Variants in MMD2 observed in about 807,000 individuals in gnomAD.
The protein encoded by MMD2 is monocyte to macrophage differentiation factor 2.
Under a neutral mutation model 33.5 loss-of-function variants are expected in MMD2, and 30 were observed. The ratio of observed to expected loss-of-function variants is 0.90; its 90% CI spans 0.67 to 1.22. MMD2 has a LOEUF of 1.22. MMD2 is among the 50% of genes most tolerant of loss of function. MMD2 has a pLI of 0.00. For missense variants in MMD2, 364 were observed against 325.4 expected, an observed-to-expected ratio of 1.12 and a Z score of -0.91; for synonymous variants, 129 against 123.0, an observed-to-expected ratio of 1.05 and a Z score of -0.32.
chr7:4,896,671 G>C, the MMD2 span, among the ~76,000 whole-genome samples: 1 of 152,064 alleles, frequency 6.6e-6, no homozygotes, highest in Non-Finnish European at 1.5e-5. Flanking sequence ...AGACATAGAT[G>C]ACTATTGTTC....
chr7:4,943,235 T>A (rs1246800783), intron 1 of MMD2, among the ~76,000 whole-genome samples: 1 of 151,170 alleles, frequency 6.6e-6, no homozygotes, highest in Non-Finnish European at 1.5e-5. Flanking sequence ...GGTCTCAAAC[T>A]CCTGACCTTG....
the MMD2 span, among the ~76,000 whole-genome samples, chr7:4,893,024 G>T: frequency 1.3e-5 from 2 of 152,048 alleles, no homozygotes; most frequent in African/African-American, 2.4e-5. Context: ...GACTAATTGC[G>T]GTTTCTAAGA....
intron 2 of MMD2, among the ~76,000 whole-genome samples, chr7:4,922,514 T>C (rs1392007267): frequency 6.6e-6 from 1 of 152,168 alleles, no homozygotes; most frequent in East Asian, 1.9e-4. Flanking sequence ...ACTTCATAAT[T>C]TGGGGACATG....
At chr7:4,953,901 C>T (rs1786318492) in intron 1 of MMD2, among the ~76,000 whole-genome samples, 1 of 152,172 alleles carries the variant, frequency 6.6e-6, no homozygotes, top group Non-Finnish European at 1.5e-5. Flanking sequence ...TTCTATCACC[C>T]AGGCTTGAGT....
chr7:4,951,700 G>C (rs1416294575), intron 1 of MMD2, among the ~76,000 whole-genome samples: 1 of 152,072 alleles, frequency 6.6e-6, no homozygotes, highest in Non-Finnish European at 1.5e-5. Flanking sequence ...CCTAGGCTCA[G>C]GTGATCCTCC....
chr7:4,934,760 T>C (rs1262980005), intron 1 of MMD2, among the ~76,000 whole-genome samples: 3 of 152,348 alleles, frequency 2.0e-5, no homozygotes, highest in Non-Finnish European at 2.9e-5. Flanking sequence ...AGCTTGGCAC[T>C]GTTGGGCAGA....
chr7:4,916,163 C>A, intron 3 of MMD2, 84 bp from the exon 4 acceptor site: 2 of 1,315,896 alleles, frequency 1.5e-6, no homozygotes, highest in East Asian at 2.4e-5. Flanking sequence ...CTGGACTGAT[C>A]GTGCCTGCCT....
chr7:4,892,644 A>G, the MMD2 span, among the ~76,000 whole-genome samples: 1 of 151,918 alleles, frequency 6.6e-6, no homozygotes, highest in African/African-American at 2.4e-5. Flanking sequence ...TAATTAAAAG[A>G]TGTGCAAGCA....
At position 4,906,280 on chromosome 7, in the gene MMD2, T is replaced by G. The variant is rs992801769; in HGVS notation, c.*1116A>C. The G allele has an allele frequency of 3.3e-5, 13 of 389,862 alleles. No homozygotes were observed. Among genetic ancestry groups the G allele is most frequent in the African/African-American group, 2.3e-4 (11 of 48,448 alleles). The allele number at this position is 389,862 out of a possible 1,614,324, so 24.2% of individuals were successfully genotyped here. ...AGGCTGGCCCCGCCCTGACGGGGGCTGAAGAACAGGCCCCCAGCAGCCTTG... is the reference window on the plus strand; with the variant it reads ...AGGCTGGCCCCGCCCTGACGGGGGCGGAAGAACAGGCCCCCAGCAGCCTTG... On this transcript the variant is annotated 3_prime_UTR_variant, in exon 7 of 7. Coordinates refer to ENST00000401401, the MANE Select transcript of MMD2 (RefSeq NM_198403.4).
chr7:4,952,509 A>G (rs966118316), intron 1 of MMD2, among the ~76,000 whole-genome samples: 3 of 152,170 alleles, frequency 2.0e-5, no homozygotes, highest in African/African-American at 2.4e-5. Context: ...CCTCCGCCCA[A>G]CACTGCATGG....
At chr7:4,894,119 G>A in the MMD2 span, among the ~76,000 whole-genome samples, 1 of 152,090 alleles carries the variant, frequency 6.6e-6, no homozygotes, top group African/African-American at 2.4e-5. This position sits in a 1 kb window ranked among gnomAD's most constrained non-coding sequence, Gnocchi z 4.3. Context: ...AGTCACTCTG[G>A]TTCAAACGCC....
At chr7:4,898,529 T>C in the MMD2 span, among the ~76,000 whole-genome samples, 1 of 152,092 alleles carries the variant, frequency 6.6e-6, no homozygotes, top group Non-Finnish European at 1.5e-5. Flanking sequence ...TAGGATAAGA[T>C]TGGATGGTGC....
At chr7:4,918,483 C>CTTTTTTTTT (rs60393757) in intron 3 of MMD2, among the ~76,000 whole-genome samples, 1 of 131,030 alleles carries the variant, frequency 7.6e-6, no homozygotes, top group Non-Finnish European at 1.6e-5. Context: ...TTCTTTCTTT[C>CTTTTTTTTT]TTTTTTTTTT....
chr7:4,911,021 G>T, intron 5 of MMD2, 124 bp downstream of exon 5: 1 of 799,804 alleles, frequency 1.3e-6, no homozygotes, highest in Non-Finnish European at 2.0e-6. Context: ...TGAATGACGT[G>T]ACAGCCAGAG....
At chr7:4,911,379 GC>G in intron 4 of MMD2, 133 bp from the exon 5 acceptor site, 1 of 642,198 alleles carries the variant, frequency 1.6e-6, no homozygotes, top group Non-Finnish European at 2.7e-6. Flanking sequence ...TGGGACATGG[GC>G]GCTCACAGGA....
chr7:4,920,063 G>A (rs535595352), intron 3 of MMD2, 108 bp downstream of exon 3: 9 of 1,296,062 alleles, frequency 6.9e-6, no homozygotes, highest in Non-Finnish European at 8.4e-6. Context: ...CAGCTCAGTG[G>A]AGAATGTCAC....
Position 4,906,369 on chromosome 7 carries a change from G to A in MMD2, c.*1027C>T, listed in dbSNP as rs1784867533. ...TGGAACAGTCGCCCCAGATCCATGT[G>A]CCTTCTGTTTGGGGTACACCTGAGT... On this transcript the variant is annotated 3_prime_UTR_variant, in exon 7 of 7. Coordinates refer to ENST00000401401, the MANE Select transcript of MMD2 (RefSeq NM_198403.4). 7.6e-6 allele frequency: 3 copies of A among 397,082 alleles called. No homozygotes were observed. The highest frequency in any genetic ancestry group is 1.3e-5 in the Non-Finnish European group (3 of 225,306). 24.6% of individuals were successfully genotyped at this position (397,082 alleles called of 1,614,324 possible). A position where few individuals can be genotyped will look rare whatever the true frequency, so the allele number is the denominator to read the frequency against.
intron 4 of MMD2, among the ~76,000 whole-genome samples, chr7:4,915,043 C>A (rs542374962): frequency 1.3e-5 from 2 of 152,120 alleles, no homozygotes; most frequent in Non-Finnish European, 2.9e-5. Flanking sequence ...GAGGCTGAGG[C>A]GGGAGGATGG....
At position 4,947,692 on chromosome 7, in the gene MMD2, CTTTTTTTT is replaced by C. The variant is rs71033002; in HGVS notation, c.47+11271_47+11278del. On this transcript the variant is annotated intron_variant, in intron 1 of 6. Coordinates refer to ENST00000401401, the MANE Select transcript of MMD2 (RefSeq NM_198403.4). ...ACAGGTGTGAGCGACTGCACCTGGC[CTTTTTTTT>C]TTTTTTTTTTTTTTTTTGAGACAGA... 8.4e-5 allele frequency among the ~76,000 whole-genome samples: 3 copies of C among 35,886 alleles called. No homozygotes were observed. The East Asian group carries it at 4.1e-3, about 49-fold the overall frequency. The allele number at this position is 35,886 out of a possible 152,430, so 23.5% of individuals were successfully genotyped here. A position where few individuals can be genotyped will look rare whatever the true frequency, so the allele number is the denominator to read the frequency against.
Sources: allele counts gnomAD v4.1 joint callset (sites outside exome capture counted in the v4.1 genomes callset), GRCh38; gene constraint gnomAD v4.1.1; non-coding constraint Gnocchi (gnomAD v3.1); transcripts MANE v1.5; gene names NCBI Gene and HGNC (gene_info 2026-07-23, HGNC 2026-07-21).